The following KLHL8 variants were observed in gnomAD, a reference collection of about 807,000 sequenced individuals.
KLHL8 encodes the protein kelch like family member 8.
A neutral mutation model predicts 63.5 loss-of-function variants in KLHL8; 38 were observed. That is an observed-to-expected ratio of 0.60 (90% CI 0.46 to 0.78). The LOEUF (loss-of-function observed/expected upper bound fraction) is 0.78, where lower values mean the gene tolerates loss of function less well. KLHL8 is among the 30% of genes least tolerant of loss of function. The pLI, the probability that KLHL8 is intolerant of heterozygous loss-of-function variation, is 0.00. For missense variants in KLHL8, 566 were observed against 752.4 expected (o/e 0.75, Z 2.90); for synonymous variants, 224 against 254.3 (o/e 0.88, Z 1.13).
intron 1 of KLHL8, among the ~76,000 whole-genome samples, chr4:87,238,186 G>A (rs1197850776): frequency 2.0e-5 from 3 of 151,942 alleles, no homozygotes; most frequent in African/African-American, 7.3e-5. Flanking sequence ...CACCCACCTC[G>A]GCCTCCCAAA....
rs1425042062 is a variant in KLHL8, at chr4:87,161,578, C to T, written c.*1941G>A. Reference sequence around the variant, plus strand: ...AAACATTTTAAATAATCTCAGGAAACAATAACAAGATCCTCTCCCCGAAAA... The same window carrying T: ...AAACATTTTAAATAATCTCAGGAAATAATAACAAGATCCTCTCCCCGAAAA... On this transcript the variant is annotated 3_prime_UTR_variant, in exon 10 of 10. Coordinates refer to ENST00000273963, the MANE Select transcript of KLHL8 (RefSeq NM_020803.5). 1 of 152,062 alleles carries T rather than the reference C, an allele frequency of 6.6e-6. No individual in the cohort carries two copies. Among genetic ancestry groups the T allele is most frequent in the Non-Finnish European group, 1.5e-5 (1 of 67,990 alleles). The allele number at this position is 152,062 out of a possible 1,614,324, so 9.4% of individuals were successfully genotyped here.
intron 1 of KLHL8, among the ~76,000 whole-genome samples, chr4:87,231,447 C>T (rs1733136330): frequency 6.6e-6 from 1 of 152,194 alleles, no homozygotes; most frequent in Non-Finnish European, 1.5e-5. Flanking sequence ...AACATGCCAC[C>T]TGCAGAATAA....
intron 2 of KLHL8, among the ~76,000 whole-genome samples, chr4:87,187,394 T>C (rs1048429995): frequency 1.4e-4 from 20 of 147,884 alleles, no homozygotes; most frequent in African/African-American, 5.0e-4. Context: ...AAAGATCTCA[T>C]CTTTTTTTTT....
intron 4 of KLHL8, among the ~76,000 whole-genome samples, chr4:87,179,920 T>A (rs1480826796): frequency 6.6e-6 from 1 of 151,780 alleles, no homozygotes; most frequent in African/African-American, 2.4e-5. Context: ...ACTTCCAGAG[T>A]TTCTGATTCA....
At chr4:87,181,629 G>A (rs1731056510) in intron 4 of KLHL8, among the ~76,000 whole-genome samples, 1 of 151,300 alleles carries the variant, frequency 6.6e-6, no homozygotes, top group African/African-American at 2.4e-5. Flanking sequence ...TAAAAGACCA[G>A]GATGCATACC....
rs146196107 is a variant in KLHL8, at chr4:87,164,875, G to A, written c.1538-796C>T. ...ATAAAAACAAGGTCAGAGGCCGGGC[G>A]CGGTGGCTCACGCCTGTAATCCCAG... is the stretch of plus-strand genomic sequence containing the variant. On this transcript the variant is annotated intron_variant, in intron 8 of 9. Coordinates refer to ENST00000273963, the MANE Select transcript of KLHL8 (RefSeq NM_020803.5). Among the ~76,000 whole-genome samples, 602 of 152,142 alleles carry A rather than the reference G, an allele frequency of 4.0e-3. 3 individuals carry two copies. Among genetic ancestry groups the A allele is most frequent in the Non-Finnish European group, 6.4e-3 (436 of 67,992 alleles).
At chr4:87,214,423 T>TAG (rs1732516094) in intron 1 of KLHL8, among the ~76,000 whole-genome samples, 1 of 29,882 alleles carries the variant, frequency 3.3e-5, no homozygotes, top group African/African-American at 2.7e-4. Context: ...CAGATATATA[T>TAG]ATATATATAT....
rs1414668792 is a variant in KLHL8, at chr4:87,162,318, G to C, written c.*1201C>G. The C allele has an allele frequency of 2.6e-5, 4 of 152,102 alleles. No individual in the cohort carries two copies. The highest frequency in any genetic ancestry group is 5.9e-5 in the Non-Finnish European group (4 of 68,034). 9.4% of individuals were successfully genotyped at this position (152,102 alleles called of 1,614,324 possible). A position where few individuals can be genotyped will look rare whatever the true frequency, so the allele number is the denominator to read the frequency against. On this transcript the variant is annotated 3_prime_UTR_variant, in exon 10 of 10. Transcript: ENST00000273963. ...ATAATGCTAGTTAAAACTTTGAAGA[G>C]CTGTTAAATCTGTAGGTCCATCAAT...
At position 87,180,418 on chromosome 4, in the gene KLHL8, C is replaced by G. The variant is rs182034846; in HGVS notation, c.953-1798G>C. On this transcript the variant is annotated intron_variant, in intron 4 of 9. Transcript: ENST00000273963. ...TATTCACAACCAAGGCTAAGGTTTA[C>G]TTTCTCTACAAAACCTTTTCTGACT... is the stretch of plus-strand genomic sequence containing the variant. 5.3e-5 allele frequency among the ~76,000 whole-genome samples: 8 copies of G among 152,338 alleles called. No individual in the cohort carries two copies. In the East Asian group the frequency reaches 1.5e-3, roughly 29 times the overall value.
intron 1 of KLHL8, among the ~76,000 whole-genome samples, chr4:87,199,741 C>T (rs1182391681): frequency 6.6e-6 from 1 of 151,954 alleles, no homozygotes; most frequent in Non-Finnish European, 1.5e-5. Context: ...GACTGTAGTC[C>T]CAGCTACTTG....
upstream of KLHL8, among the ~76,000 whole-genome samples, chr4:87,222,593 A>T (rs921348331): frequency 3.3e-5 from 5 of 151,774 alleles, no homozygotes; most frequent in East Asian, 1.9e-4. Flanking sequence ...ATTTTATTTT[A>T]TTTTTTTGAG....
chr4:87,205,778 A>C (rs6853425), intron 1 of KLHL8, among the ~76,000 whole-genome samples: 18,373 of 151,904 alleles, frequency 0.12, 1,438 homozygotes, highest in Non-Finnish European at 0.18. Flanking sequence ...TCTTTCACTT[A>C]TTTTGCCATG....
At chr4:87,208,765 T>C (rs945898144) in intron 1 of KLHL8, among the ~76,000 whole-genome samples, 2 of 152,252 alleles carry the variant, frequency 1.3e-5, no homozygotes, top group African/African-American at 2.4e-5. Flanking sequence ...AATGACCATA[T>C]ACTTTTCCCC....
At chr4:87,192,041 T>C (rs1457947471) in intron 2 of KLHL8, among the ~76,000 whole-genome samples, 1 of 152,228 alleles carries the variant, frequency 6.6e-6, no homozygotes, top group Admixed American at 6.5e-5. Flanking sequence ...ATTCCATATC[T>C]TTGCTATTTG....
In KLHL8 at chr4:87,170,625, C is replaced by G. The variant is rs200861123; in HGVS notation, c.1209-10G>C. On this transcript the variant is annotated splice_polypyrimidine_tract_variant and intron_variant, in intron 6 of 9. Coordinates refer to ENST00000273963, the MANE Select transcript of KLHL8 (RefSeq NM_020803.5). ...CAAGGCAATTCCTCGCCTGCAAAGA[C>G]AATAAAACATACTTTAGCAAATGAG... 1 of 1,595,226 alleles carries G rather than the reference C, an allele frequency of 6.3e-7. No individual in the cohort carries two copies. The highest frequency in any genetic ancestry group is 1.4e-5 in the African/African-American group (1 of 73,948).
intron 1 of KLHL8, among the ~76,000 whole-genome samples, chr4:87,232,794 G>A (rs1244908609): frequency 6.6e-6 from 1 of 151,786 alleles, no homozygotes; most frequent in Admixed American, 6.6e-5. Context: ...TTATGAATGA[G>A]GTTTTAATAT....
intron 6 of KLHL8, 48 bp downstream of exon 6, chr4:87,176,709 A>G (rs1185903629): frequency 9.0e-7 from 1 of 1,108,418 alleles, no homozygotes; most frequent in Non-Finnish European, 1.3e-6. Context: ...AATTTTAAGA[A>G]ACTTTATTTC....
chr4:87,178,097 T>TA (rs1327545501), intron 5 of KLHL8, among the ~76,000 whole-genome samples: 1 of 152,158 alleles, frequency 6.6e-6, no homozygotes, highest in Admixed American at 6.5e-5. Context: ...TCCATGGTTC[T>TA]AAAATTAATT....
chr4:87,180,047 A>G (rs1213346912), intron 4 of KLHL8, among the ~76,000 whole-genome samples: 1 of 152,194 alleles, frequency 6.6e-6, no homozygotes, highest in Non-Finnish European at 1.5e-5. Context: ...AGGCTACCTT[A>G]CAAGGTAAAA....
Sources: allele counts gnomAD v4.1 joint callset (sites outside exome capture counted in the v4.1 genomes callset), GRCh38; gene constraint gnomAD v4.1.1; transcripts MANE v1.5; gene names NCBI Gene and HGNC (gene_info 2026-07-23, HGNC 2026-07-21).